The following ERBB4 variants were observed in gnomAD, a reference collection of about 807,000 sequenced individuals.
The protein encoded by ERBB4 is erb-b2 receptor tyrosine kinase 4, also known as receptor tyrosine-protein kinase erbB-4.
ERBB4 carries 42 observed loss-of-function variants against 158.0 expected under a neutral mutation model. The ratio of observed to expected loss-of-function variants is 0.27; its 90% CI spans 0.21 to 0.34. The LOEUF is 0.34. Ranked by LOEUF, ERBB4 falls within the 10% of genes least tolerant of loss-of-function variation. The pLI, the probability that ERBB4 is intolerant of heterozygous loss-of-function variation, is 1.00. For missense variants in ERBB4, 1,333 were observed against 1,624.1 expected (o/e 0.82, Z 3.08); for synonymous variants, 583 against 558.7 (o/e 1.04, Z -0.61).
At chr2:212,139,542 T>C (rs1289419023) in intron 1 of ERBB4, among the ~76,000 whole-genome samples, 1 of 151,984 alleles carries the variant, frequency 6.6e-6, no homozygotes, top group Admixed American at 6.6e-5. Flanking sequence ...AAGTAGAGAA[T>C]AATTGATGAT....
At chr2:211,564,257 G>C (rs917140852) in intron 19 of ERBB4, among the ~76,000 whole-genome samples, 4 of 152,126 alleles carry the variant, frequency 2.6e-5, no homozygotes, top group Non-Finnish European at 4.4e-5. Context: ...AAAGGCTGAG[G>C]AGTAGTAGTA....
At chr2:212,245,562 G>A (rs1218036254) in intron 1 of ERBB4, among the ~76,000 whole-genome samples, 1 of 152,152 alleles carries the variant, frequency 6.6e-6, no homozygotes, top group African/African-American at 2.4e-5. Flanking sequence ...ACACTGGGAT[G>A]AAACTGTAGA....
At chr2:211,870,028 C>A (rs1453292885) in intron 3 of ERBB4, among the ~76,000 whole-genome samples, 4 of 152,162 alleles carry the variant, frequency 2.6e-5, no homozygotes, top group Non-Finnish European at 5.9e-5. Flanking sequence ...CCTTGTGATT[C>A]TCCCAGTATC....
chr2:212,299,783 G>A (rs1328848066), intron 1 of ERBB4, among the ~76,000 whole-genome samples: 3 of 151,580 alleles, frequency 2.0e-5, no homozygotes, highest in Admixed American at 6.6e-5. Context: ...AAAAAGATTG[G>A]TGAATCTTTA....
At chr2:212,383,435 C>T (rs1413301637) in intron 1 of ERBB4, among the ~76,000 whole-genome samples, 1 of 151,552 alleles carries the variant, frequency 6.6e-6, no homozygotes, top group South Asian at 2.1e-4. Flanking sequence ...ACAAGAGTAT[C>T]AAACTTTTCC....
intron 1 of ERBB4, among the ~76,000 whole-genome samples, chr2:212,299,287 C>T (rs1385598117): frequency 6.6e-6 from 1 of 151,660 alleles, no homozygotes. Flanking sequence ...ATTTTGGAAT[C>T]ATTATGGTTC....
intron 3 of ERBB4, among the ~76,000 whole-genome samples, chr2:211,871,494 A>G (rs2078344307): frequency 6.6e-6 from 1 of 151,598 alleles, no homozygotes; most frequent in African/African-American, 2.4e-5. Flanking sequence ...AGCAGTGAGC[A>G]GTGCTTTGGC....
chr2:211,467,108 A>G (rs1675521353), intron 20 of ERBB4, among the ~76,000 whole-genome samples: 1 of 152,172 alleles, frequency 6.6e-6, no homozygotes, highest in South Asian at 2.1e-4. Context: ...ACAGAACCCC[A>G]GAAATTTTAC....
intron 2 of ERBB4, among the ~76,000 whole-genome samples, chr2:212,025,848 G>A (rs1437091170): frequency 2.0e-5 from 3 of 151,486 alleles, no homozygotes; most frequent in Non-Finnish European, 4.4e-5. Flanking sequence ...TAATTACACC[G>A]ATAATCTACT....
intron 16 of ERBB4, among the ~76,000 whole-genome samples, chr2:211,643,292 G>A (rs140163404): frequency 8.5e-5 from 13 of 152,190 alleles, no homozygotes; most frequent in Non-Finnish European, 1.6e-4. Context: ...TCTGTCCTTG[G>A]ATCTAATGCT....
intron 4 of ERBB4, chr2:211,777,997 C>T (rs1244699372): frequency 3.9e-5 from 6 of 152,306 alleles, no homozygotes; most frequent in African/African-American, 1.4e-4. Context: ...TTTAATTAAG[C>T]TAAGCCCTTA....
chr2:212,014,409 C>T (rs1027428914), intron 2 of ERBB4, among the ~76,000 whole-genome samples: 8 of 152,138 alleles, frequency 5.3e-5, no homozygotes, highest in Non-Finnish European at 8.8e-5. Flanking sequence ...CAACTCTAAA[C>T]AGACACGGGC....
chr2:211,649,818 G>A (rs180926666), intron 16 of ERBB4, among the ~76,000 whole-genome samples: 1 of 151,886 alleles, frequency 6.6e-6, no homozygotes, highest in East Asian at 1.9e-4. Flanking sequence ...TTAGTACTGA[G>A]TTACTGCAAA....
chr2:211,783,294 T>C (rs935244234), intron 4 of ERBB4, among the ~76,000 whole-genome samples: 2 of 152,236 alleles, frequency 1.3e-5, no homozygotes, highest in Non-Finnish European at 2.9e-5. Flanking sequence ...TTTCTAAATA[T>C]ATAATCATGT....
intron 1 of ERBB4, among the ~76,000 whole-genome samples, chr2:212,472,597 T>C (rs1689170613): frequency 6.6e-6 from 1 of 151,804 alleles, no homozygotes; most frequent in South Asian, 2.1e-4. Context: ...AGAAAGTATA[T>C]AATTGGAAAG....
chr2:211,707,150 C>A (rs934228704), intron 9 of ERBB4, among the ~76,000 whole-genome samples: 9 of 152,116 alleles, frequency 5.9e-5, no homozygotes, highest in Admixed American at 4.6e-4. Context: ...TCAGTCCGGA[C>A]CTTTACTGAG....
At chr2:212,359,036 A>G (rs1263006438) in intron 1 of ERBB4, among the ~76,000 whole-genome samples, 2 of 151,770 alleles carry the variant, frequency 1.3e-5, no homozygotes, top group African/African-American at 2.4e-5. Flanking sequence ...CTCTTCTTCT[A>G]GAAATGCAGA....
intron 20 of ERBB4, among the ~76,000 whole-genome samples, chr2:211,549,866 TGCTCCTGTTTGCTCA>T (rs757104460): frequency 6.6e-6 from 1 of 152,140 alleles, no homozygotes; most frequent in Non-Finnish European, 1.5e-5. Context: ...ATGGAATCCC[TGCTCCTGTTTGCTCA>T]GCACTTTGTG....
chr2:212,370,124 G>A (rs1290349744), intron 1 of ERBB4, among the ~76,000 whole-genome samples: 1 of 152,112 alleles, frequency 6.6e-6, no homozygotes, highest in Non-Finnish European at 1.5e-5. Flanking sequence ...TCCAGGTAGA[G>A]ATAATTGAAT....
Sources: gnomAD v4.1 joint callset for allele counts (sites outside exome capture counted in the v4.1 genomes callset) on GRCh38, gnomAD v4.1.1 for gene constraint, MANE v1.5 for transcripts, NCBI Gene and HGNC (gene_info 2026-07-23, HGNC 2026-07-21) for gene names.